Variants in PUM1 observed in about 807,000 individuals in gnomAD.
The protein encoded by PUM1 is pumilio homolog 1.
Under a neutral mutation model 131.8 loss-of-function variants are expected in PUM1, and 13 were observed. That is an observed-to-expected ratio of 0.10 (90% CI 0.06 to 0.16). The LOEUF (loss-of-function observed/expected upper bound fraction) is 0.16, where lower values mean the gene tolerates loss of function less well. PUM1 is among the 10% of genes least tolerant of loss of function. The pLI is 1.00. For missense variants in PUM1, 961 were observed against 1,512.4 expected (o/e 0.64, Z 6.05); for synonymous variants, 509 against 556.5 (o/e 0.91, Z 1.20).
Position 30,995,179 on chromosome 1 carries a change from T to C in PUM1, c.762A>G (p.Glu254=), listed in dbSNP as rs762951527. Residue 254 remains glutamate (E), a synonymous_variant, in exon 6 of 22, where the codon GAA becomes GAG. Transcript: ENST00000426105. ...DADSDENDKG[E]KKNKGTFDGD... ...CATCAAACGTACCCTTGTTCTTCTT[T>C]TCACCTTTGTCGTTTTCATCACTGT... 20 of 1,614,078 alleles carry C rather than the reference T, an allele frequency of 1.2e-5. No individual in the cohort carries two copies. The South Asian group carries it at 2.1e-4, about 17-fold the overall frequency.
At chr1:31,051,573 G>C (rs1644110288) in intron 2 of PUM1, among the ~76,000 whole-genome samples, 1 of 151,630 alleles carries the variant, frequency 6.6e-6, no homozygotes, top group Non-Finnish European at 1.5e-5. Flanking sequence ...AAAGTGCTGG[G>C]ATTATAGGTA....
At chr1:31,018,748 T>C (rs1377323090) in intron 3 of PUM1, among the ~76,000 whole-genome samples, 1 of 152,186 alleles carries the variant, frequency 6.6e-6, no homozygotes, top group African/African-American at 2.4e-5. Context: ...ATTCACTAAG[T>C]ATACATAAGC....
At chr1:31,049,993 C>A (rs913056898) in intron 2 of PUM1, among the ~76,000 whole-genome samples, 7 of 151,634 alleles carry the variant, frequency 4.6e-5, no homozygotes, top group African/African-American at 1.7e-4. Flanking sequence ...ACACACCTGG[C>A]TAATTTTTGT....
At chr1:30,940,908 G>T (rs1639416056) in intron 20 of PUM1, among the ~76,000 whole-genome samples, 1 of 152,154 alleles carries the variant, frequency 6.6e-6, no homozygotes, top group Admixed American at 6.6e-5. Context: ...TCATCAAAGT[G>T]TAACACTCAC....
At chr1:31,005,375 T>C (rs1642363210) in intron 5 of PUM1, among the ~76,000 whole-genome samples, 1 of 152,198 alleles carries the variant, frequency 6.6e-6, no homozygotes, top group Admixed American at 6.5e-5. Context: ...AAGAGGATTC[T>C]ATAATTAAAT....
chr1:31,022,838 G>A (rs191008378), intron 3 of PUM1, among the ~76,000 whole-genome samples: 91 of 152,188 alleles, frequency 6.0e-4, no homozygotes, highest in Admixed American at 1.2e-3. Context: ...TAAAGTTAAG[G>A]GAACTAGGGT....
intron 2 of PUM1, among the ~76,000 whole-genome samples, chr1:31,033,690 C>G (rs1415772759): frequency 6.6e-6 from 1 of 151,590 alleles, no homozygotes; most frequent in East Asian, 1.9e-4. Flanking sequence ...GAGACAGGGT[C>G]TGGCTCTGTT....
At chr1:30,952,475 TGTGCACACAC>T in intron 15 of PUM1, 112 bp from the exon 16 acceptor site, 1 of 1,523,172 alleles carries the variant, frequency 6.6e-7, no homozygotes, top group Non-Finnish European at 9.0e-7. Flanking sequence ...AGTGAGCATG[TGTGCACACAC>T]ATGCACACAA....
chr1:30,953,769 G>A lies in PUM1; in HGVS notation c.2536C>T (p.Leu846=), dbSNP rs1640041791. The A allele has an allele frequency of 2.5e-6, 4 of 1,614,232 alleles. No individual in the cohort carries two copies. In the East Asian group the frequency reaches 6.7e-5, roughly 27 times the overall value. The change falls in exon 15 of 22, where the codon CTG becomes TTG. Residue 846 remains leucine, a synonymous_variant. Transcript: ENST00000426105. The part of the protein sequence containing the change: ...FRNNRYPNLQ[L]REIAGHIMEF... ...ATTATATGTCCAGCAATCTCCCGCA[G>A]TTGTAAATTGGGGTACCGGTTGTTT...
intron 21 of PUM1, among the ~76,000 whole-genome samples, chr1:30,935,261 T>C (rs1436391212): frequency 6.6e-6 from 1 of 152,194 alleles, no homozygotes; most frequent in Non-Finnish European, 1.5e-5. Context: ...GTCTCTGGCG[T>C]CCAAGTCTTC....
At chr1:30,957,527 C>T (rs959545989) in intron 14 of PUM1, among the ~76,000 whole-genome samples, 1 of 152,310 alleles carries the variant, frequency 6.6e-6, no homozygotes, top group East Asian at 1.9e-4. Flanking sequence ...TCTCATAAGG[C>T]TTCAAAGGGA....
intron 3 of PUM1, among the ~76,000 whole-genome samples, chr1:31,010,437 T>TTCTA: frequency 6.6e-6 from 1 of 152,220 alleles, no homozygotes; most frequent in South Asian, 2.1e-4. Context: ...TCCATCTTGC[T>TTCTA]TGTCCTCTTC....
rs752441719 is a variant in PUM1, at chr1:30,938,920, C to T, written c.3243-2085G>A. 6.3e-3 allele frequency among the ~76,000 whole-genome samples: 521 copies of T among 83,144 alleles called. 2 individuals carry two copies. The highest frequency in any genetic ancestry group is 0.015 in the African/African-American group (451 of 29,280). The allele number at this position is 83,144 out of a possible 152,430, so 54.5% of individuals were successfully genotyped here. ...ATAGATAGATAGACAGACAGACAGA[C>T]AGACAGACAGACAGACAGACAGACA... On this transcript the variant is annotated intron_variant, in intron 20 of 21. Coordinates refer to ENST00000426105, the MANE Select transcript of PUM1 (RefSeq NM_001020658.2).
At chr1:30,998,985 T>C (rs928898290) in intron 5 of PUM1, among the ~76,000 whole-genome samples, 6 of 151,518 alleles carry the variant, frequency 4.0e-5, no homozygotes, top group Non-Finnish European at 7.4e-5. Context: ...CATAGCTGTG[T>C]GGTGTTTTTG....
intron 3 of PUM1, among the ~76,000 whole-genome samples, chr1:31,020,607 C>T (rs1226179293): frequency 1.3e-5 from 2 of 152,056 alleles, no homozygotes; most frequent in Non-Finnish European, 2.9e-5. Context: ...GCAAACAGCC[C>T]GACTGAGATA....
At chr1:31,050,436 A>G (rs1262896868) in intron 2 of PUM1, among the ~76,000 whole-genome samples, 1 of 152,082 alleles carries the variant, frequency 6.6e-6, no homozygotes, top group Non-Finnish European at 1.5e-5. Context: ...GTGAGCCTAG[A>G]TAGTGCCAGT....
chr1:31,065,529 A>G (rs113766529), intron 1 of PUM1, 87 bp downstream of exon 1: 10 of 1,451,796 alleles, frequency 6.9e-6, no homozygotes, highest in African/African-American at 2.9e-5. Flanking sequence ...CACCCCCACA[A>G]CCACTCTCAA....
rs1271850702 is a variant in PUM1 at position 30,980,063 on chromosome 1, T to C, written c.1353A>G (p.Leu451=). ...YTAGLAAAAT[L]GPAVVPHQYY... is the part of the protein sequence containing the mutation. Reference sequence around the variant, plus strand: ...CCCTCATGCAGCAGAATGTCTCACCTAGTGTCGCTGCTGCAGCCAATCCAG... The same window carrying C: ...CCCTCATGCAGCAGAATGTCTCACCCAGTGTCGCTGCTGCAGCCAATCCAG... The change falls in exon 9 of 22, where the codon CTA becomes CTG. Residue 451 remains leucine (L), a splice_region_variant and synonymous_variant. Transcript: ENST00000426105. 1.3e-6 allele frequency: 2 copies of C among 1,595,406 alleles called. No homozygotes were observed. The highest frequency in any genetic ancestry group is 2.2e-5 in the South Asian group (2 of 89,486).
chr1:30,955,671 G>A (rs1006158449), intron 14 of PUM1, among the ~76,000 whole-genome samples: 4 of 151,972 alleles, frequency 2.6e-5, no homozygotes, highest in Non-Finnish European at 4.4e-5. Context: ...AAAAACCCAC[G>A]AGAAAAGTCA....
Sources: gnomAD v4.1 joint callset for allele counts (sites outside exome capture counted in the v4.1 genomes callset) on GRCh38, gnomAD v4.1.1 for gene constraint, MANE v1.5 for transcripts, NCBI Gene and HGNC (gene_info 2026-07-23, HGNC 2026-07-21) for gene names.